AUTS2: variants seen among roughly 807,000 people sequenced by gnomAD.
The protein encoded by AUTS2 is autism susceptibility gene 2 protein.
In AUTS2, 17 loss-of-function variants were observed where a neutral mutation model predicts 112.4. The ratio of observed to expected loss-of-function variants is 0.15; its 90% CI spans 0.10 to 0.23. AUTS2 has a LOEUF of 0.23. Ranked by LOEUF, AUTS2 falls within the 10% of genes least tolerant of loss-of-function variation. AUTS2 has a pLI of 1.00. For missense variants in AUTS2, 1,510 were observed against 1,701.6 expected, an observed-to-expected ratio of 0.89 and a Z score of 1.98; for synonymous variants, 751 against 702.7, an observed-to-expected ratio of 1.07 and a Z score of -1.09.
intron 2 of AUTS2, among the ~76,000 whole-genome samples, chr7:70,055,074 C>T (rs1450195357): frequency 6.6e-6 from 1 of 152,130 alleles, no homozygotes; most frequent in African/African-American, 2.4e-5. Context: ...TACCGTGAGA[C>T]TATGTAAACA....
rs2129067079 is a variant in AUTS2 at position 69,599,369 on chromosome 7, C to T, written c.-285C>T. The T allele has an allele frequency of 2.9e-6, 1 of 339,880 alleles. No homozygotes were observed. The highest frequency in any genetic ancestry group is 4.5e-5 in the East Asian group (1 of 22,358). The allele number at this position is 339,880 out of a possible 1,614,324, so 21.1% of individuals were successfully genotyped here. On this transcript the variant is annotated 5_prime_UTR_variant, in exon 1 of 19. Transcript: ENST00000342771. This position sits in a 1 kb window ranked among gnomAD's most constrained non-coding sequence, Gnocchi z 7.0. Reference sequence around the variant, plus strand: ...GCCATTACTTTGCTCGGCGCTGCTCCCAGGCATCTCCGACCCTCGGTGCTG... The same window carrying T: ...GCCATTACTTTGCTCGGCGCTGCTCTCAGGCATCTCCGACCCTCGGTGCTG...
intron 1 of AUTS2, among the ~76,000 whole-genome samples, chr7:69,870,987 T>C (rs577679753): frequency 1.3e-5 from 2 of 152,336 alleles, no homozygotes; most frequent in South Asian, 4.1e-4. Context: ...GTTTATGTTA[T>C]GCCTCATAGG....
intron 2 of AUTS2, among the ~76,000 whole-genome samples, chr7:69,980,769 C>T (rs1798263630): frequency 6.6e-6 from 1 of 152,112 alleles, no homozygotes; most frequent in Non-Finnish European, 1.5e-5. Flanking sequence ...TCTGGAGATT[C>T]TGATTCAGTT....
chr7:70,500,969 C>T (rs936132930), intron 5 of AUTS2, among the ~76,000 whole-genome samples: 14 of 152,064 alleles, frequency 9.2e-5, no homozygotes, highest in East Asian at 1.9e-4. Flanking sequence ...GTGATCCGCC[C>T]GCCTCAGTCT....
intron 6 of AUTS2, among the ~76,000 whole-genome samples, chr7:70,730,644 T>G (rs915085443): frequency 2.6e-5 from 4 of 152,072 alleles, no homozygotes; most frequent in Non-Finnish European, 5.9e-5. Flanking sequence ...TTTTGTTTAT[T>G]GATTCATCAG....
intron 4 of AUTS2, among the ~76,000 whole-genome samples, chr7:70,405,113 AT>A (rs1263138781): frequency 6.6e-6 from 1 of 152,144 alleles, no homozygotes; most frequent in South Asian, 2.1e-4. Context: ...ACAGATTATG[AT>A]TTTTTTGCAA....
intron 1 of AUTS2, among the ~76,000 whole-genome samples, chr7:69,826,574 G>A (rs1238328435): frequency 6.6e-6 from 1 of 152,126 alleles, no homozygotes; most frequent in Non-Finnish European, 1.5e-5. Flanking sequence ...TAAGCATCTT[G>A]CCATTTGCCT....
chr7:70,359,069 A>G (rs1792138221), intron 4 of AUTS2, among the ~76,000 whole-genome samples: 1 of 152,246 alleles, frequency 6.6e-6, no homozygotes, highest in Non-Finnish European at 1.5e-5. Context: ...CTAACCAGAC[A>G]CAAGGAATGC....
At chr7:69,735,658 T>G (rs911687505) in intron 1 of AUTS2, among the ~76,000 whole-genome samples, 3 of 152,148 alleles carry the variant, frequency 2.0e-5, no homozygotes, top group African/African-American at 7.2e-5. Flanking sequence ...GCCAGAAGCC[T>G]TGGGCTCCAT....
rs543857874 is a variant in AUTS2, at chr7:70,091,607, A to G, written c.523-26525A>G. On this transcript the variant is annotated intron_variant, in intron 2 of 18. Coordinates refer to ENST00000342771, the MANE Select transcript of AUTS2 (RefSeq NM_015570.4). ...CTGGGATTGCTGAGGTTTTCAAGGA[A>G]GCCAGGTACTAAACCACTCTGCTGT... Among the ~76,000 whole-genome samples, 3 of 152,294 alleles carry G rather than the reference A, an allele frequency of 2.0e-5. No individual in the cohort carries two copies. The South Asian group carries it at 6.2e-4, about 32-fold the overall frequency.
chr7:70,282,478 C>T (rs1788266546), intron 4 of AUTS2, among the ~76,000 whole-genome samples: 1 of 152,138 alleles, frequency 6.6e-6, no homozygotes, highest in Non-Finnish European at 1.5e-5. Context: ...TTGTAGATGG[C>T]ACCTTCTAGC....
chr7:70,032,821 GC>G (rs749797702), intron 2 of AUTS2, among the ~76,000 whole-genome samples: 4 of 151,674 alleles, frequency 2.6e-5, no homozygotes, highest in Non-Finnish European at 4.4e-5. Context: ...TTACTTTATT[GC>G]CTGGTCACTC....
chr7:69,750,508 G>A (rs1026916266), intron 1 of AUTS2, among the ~76,000 whole-genome samples: 2 of 150,958 alleles, frequency 1.3e-5, no homozygotes, highest in Non-Finnish European at 2.9e-5. Context: ...AGTAGCAGTA[G>A]TAGTAGTAGT....
intron 1 of AUTS2, among the ~76,000 whole-genome samples, chr7:69,793,867 C>T (rs1324024761): frequency 6.6e-6 from 1 of 152,122 alleles, no homozygotes; most frequent in Non-Finnish European, 1.5e-5. Context: ...GGCTGTCATT[C>T]AGATGGGGGA....
chr7:70,260,786 G>A (rs1189059307), intron 4 of AUTS2, among the ~76,000 whole-genome samples: 1 of 150,754 alleles, frequency 6.6e-6, no homozygotes, highest in Non-Finnish European at 1.5e-5. Flanking sequence ...GTCTCACTCT[G>A]TCGCCCTGGC....
At chr7:70,331,163 G>T (rs1315546288) in intron 4 of AUTS2, among the ~76,000 whole-genome samples, 1 of 152,116 alleles carries the variant, frequency 6.6e-6, no homozygotes, top group Non-Finnish European at 1.5e-5. Flanking sequence ...ATTCAGCTGT[G>T]AATCCGTCTG....
At chr7:70,665,234 G>A (rs1395753598) in intron 5 of AUTS2, among the ~76,000 whole-genome samples, 2 of 151,984 alleles carry the variant, frequency 1.3e-5, no homozygotes, top group Admixed American at 1.3e-4. Flanking sequence ...TGTCTTATAG[G>A]AGGTTCTCTG....
chr7:70,263,370 G>A (rs985820399), intron 4 of AUTS2, among the ~76,000 whole-genome samples: 47 of 152,216 alleles, frequency 3.1e-4, no homozygotes, highest in Admixed American at 2.9e-3. Context: ...GTAGAAACAT[G>A]ATATTGGTAT....
At chr7:69,985,476 G>A (rs1235947507) in intron 2 of AUTS2, among the ~76,000 whole-genome samples, 7 of 152,036 alleles carry the variant, frequency 4.6e-5, no homozygotes, top group Admixed American at 1.3e-4. Flanking sequence ...CAAAACACAG[G>A]TTACATTATA....
Sources: gnomAD v4.1 joint callset for allele counts (sites outside exome capture counted in the v4.1 genomes callset) on GRCh38, gnomAD v4.1.1 for gene constraint, Gnocchi (gnomAD v3.1) non-coding constraint, MANE v1.5 for transcripts, NCBI Gene and HGNC (gene_info 2026-07-23, HGNC 2026-07-21) for gene names.